SETD1B: variants seen among roughly 807,000 people sequenced by gnomAD.
SETD1B encodes the protein histone-lysine N-methyltransferase SETD1B.
In SETD1B, 7 loss-of-function variants were observed where a neutral mutation model predicts 148.0. The ratio of observed to expected loss-of-function variants is 0.05; its 90% confidence interval spans 0.03 to 0.09. The LOEUF is 0.09. SETD1B is among the 10% of genes least tolerant of loss of function. SETD1B has a pLI of 1.00. For synonymous variants in SETD1B, 1,361 were observed against 1,186.5 expected (o/e 1.15, Z -3.02); for missense variants, 2,155 against 2,729.9 (o/e 0.79, Z 4.69).
intron 4 of SETD1B, among the ~76,000 whole-genome samples, chr12:121,807,229 CCT>C (rs1174052193): frequency 6.6e-6 from 1 of 152,072 alleles, no homozygotes; most frequent in Non-Finnish European, 1.5e-5. Context: ...TTCTGTTCCT[CCT>C]CTCAGGGCAC....
intron 13 of SETD1B, 74 bp from the exon 14 acceptor site, chr12:121,827,445 G>A: frequency 6.9e-7 from 1 of 1,450,900 alleles, no homozygotes; most frequent in Non-Finnish European, 9.1e-7. Context: ...GGGGATGACA[G>A]AGATCCAGAG....
At chr12:121,827,705 G>A (rs1876906909) in intron 14 of SETD1B, 30 bp from the exon 15 acceptor site, 2 of 1,551,746 alleles carry the variant, frequency 1.3e-6, no homozygotes, top group Non-Finnish European at 1.7e-6. Context: ...TGAGACCGGG[G>A]CTCACCTCTC....
At chr12:121,815,923 G>T (rs1876274213) in intron 7 of SETD1B, among the ~76,000 whole-genome samples, 1 of 150,752 alleles carries the variant, frequency 6.6e-6, no homozygotes, top group South Asian at 2.1e-4. Flanking sequence ...CACCTCCTGG[G>T]TTCAAGCGAT....
chr12:121,812,482 C>T (rs1221407734), intron 6 of SETD1B, among the ~76,000 whole-genome samples: 2 of 151,906 alleles, frequency 1.3e-5, no homozygotes, highest in African/African-American at 4.9e-5. Flanking sequence ...CCCGGCACCG[C>T]CAGGCCTGCT....
Position 121,810,401 on chromosome 12 carries a change from G to C in SETD1B, c.1456G>C (p.Glu486Gln). 1 of 1,548,922 alleles carries C rather than the reference G, an allele frequency of 6.5e-7. No individual in the cohort carries two copies. The highest frequency in any genetic ancestry group is 8.7e-7 in the Non-Finnish European group (1 of 1,146,914). ...TGACAGCCCTGGCACGCCCACGCTG[G>C]AGTCGTCCCCTGCAGGGCCAGAGAA... The part of the protein sequence containing the change: ...PCDSPGTPTL[E>Q]SSPAGPEKPH... The change falls in exon 6 of 17, where the codon GAG becomes CAG. Residue 486 changes from glutamate (E) to glutamine (Q), a missense_variant. By Grantham distance (29) the Glu-to-Gln change is conservative. Coordinates refer to ENST00000604567, the MANE Select transcript of SETD1B (RefSeq NM_001353345.2). The surrounding 1 kb of genome is among the most constrained non-coding windows in gnomAD (Gnocchi z 7.6).
chr12:121,808,930 T>C lies in SETD1B; in HGVS notation c.657+610T>C, dbSNP rs1875876384. ...CTGTCCCCAGGCTGGAGTGCAGTGGTGCGATCTCAGCTCACTGCAAGCTCC... is the reference window on the plus strand; with the variant it reads ...CTGTCCCCAGGCTGGAGTGCAGTGGCGCGATCTCAGCTCACTGCAAGCTCC... On this transcript the variant is annotated intron_variant, in intron 5 of 16. Coordinates refer to ENST00000604567, the MANE Select transcript of SETD1B (RefSeq NM_001353345.2). This position sits in a 1 kb window ranked among gnomAD's most constrained non-coding sequence, Gnocchi z 5.3. 6.6e-6 allele frequency among the ~76,000 whole-genome samples: 1 copy of C among 152,164 alleles called. No homozygotes were observed. Among genetic ancestry groups the C allele is most frequent in the Non-Finnish European group, 1.5e-5 (1 of 68,026 alleles).
At chr12:121,807,462 GAA>G (rs1566547037) in intron 4 of SETD1B, among the ~76,000 whole-genome samples, 13 of 127,854 alleles carry the variant, frequency 1.0e-4, no homozygotes, top group Non-Finnish European at 1.5e-4. Flanking sequence ...AAAAAAAAAA[GAA>G]AAGAAAAGAA....
At position 121,814,292 on chromosome 12, in the gene SETD1B, C is replaced by T; in HGVS notation, c.2077C>T (p.Pro693Ser). The change falls in exon 7 of 17, where the codon CCA becomes TCA. Residue 693 changes from proline to serine, a missense_variant. By Grantham distance (74) the Pro-to-Ser change is moderately conservative. This residue lies in a region of SETD1B where 295 missense variants were observed against 303.8 expected (regional missense o/e 0.97). Transcript: ENST00000604567. Reference sequence around the variant, plus strand: ...ACCTGGCTTCCCCCCGCTGCCCCCCCCACCACCACCACCCCCACCGCAGCC... The same window carrying T: ...ACCTGGCTTCCCCCCGCTGCCCCCCTCACCACCACCACCCCCACCGCAGCC... The part of the protein sequence containing the change: ...PPPGFPPLPP[P>S]PPPPPPQPGF... 9.5e-7 allele frequency: 1 copy of T among 1,057,226 alleles called. No homozygotes were observed. Among genetic ancestry groups the T allele is most frequent in the Non-Finnish European group, 1.3e-6 (1 of 788,160 alleles). 65.5% of individuals were successfully genotyped at this position (1,057,226 alleles called of 1,614,324 possible). A position where few individuals can be genotyped will look rare whatever the true frequency, so the allele number is the denominator to read the frequency against.
At chr12:121,816,729 T>G (rs568571506) in intron 7 of SETD1B, among the ~76,000 whole-genome samples, 7 of 152,350 alleles carry the variant, frequency 4.6e-5, no homozygotes, top group African/African-American at 9.6e-5. Context: ...GAAGGTGGTG[T>G]TGCACAGATG....
the SETD1B span, chr12:121,797,735 C>T: frequency 1.6e-5 from 6 of 379,364 alleles, no homozygotes; most frequent in East Asian, 7.3e-5. Flanking sequence ...TAAAGGGAGG[C>T]GCCACACCCT....
At chr12:121,829,710 TGTGCCA>T (rs1877002226) in intron 16 of SETD1B, among the ~76,000 whole-genome samples, 1 of 152,234 alleles carries the variant, frequency 6.6e-6, no homozygotes, top group Non-Finnish European at 1.5e-5. Context: ...GATATGGCTA[TGTGCCA>T]GTAAAACTTT....
chr12:121,817,523 C>G lies in SETD1B; in HGVS notation c.3131C>G (p.Ser1044Cys). 6.4e-7 allele frequency: 1 copy of G among 1,551,528 alleles called. No homozygotes were observed. Among genetic ancestry groups the G allele is most frequent in the Non-Finnish European group, 8.7e-7 (1 of 1,146,966 alleles). ...EEDEKESLSA[S>C]SSSSASSSSG... ...GACGAGAAGGAGTCATTGTCGGCGT[C>G]CTCGTCCTCATCCGCGTCATCATCC... Residue 1044 changes from serine (S) to cysteine (C), a missense_variant, in exon 9 of 17, where the codon TCC becomes TGC. Ser to Cys is a moderately radical substitution (Grantham distance 112, BLOSUM62 -1). Transcript: ENST00000604567. This position sits in a 1 kb window ranked among gnomAD's most constrained non-coding sequence, Gnocchi z 8.1.
intron 11 of SETD1B, 125 bp downstream of exon 11, chr12:121,820,020 G>A (rs954161334): frequency 6.1e-5 from 49 of 809,902 alleles, no homozygotes; most frequent in African/African-American, 4.7e-4. Flanking sequence ...CGTGTAAAAC[G>A]AGATCAGCCG....
chr12:121,819,062 T>G (rs1876438923), intron 10 of SETD1B, among the ~76,000 whole-genome samples: 1 of 151,606 alleles, frequency 6.6e-6, no homozygotes. Flanking sequence ...CTGGCTAACA[T>G]GGTGAAACCC....
chr12:121,822,109 G>C (rs1189255535), intron 11 of SETD1B, among the ~76,000 whole-genome samples: 2 of 152,186 alleles, frequency 1.3e-5, no homozygotes, highest in Admixed American at 1.3e-4. Context: ...AGTGTATCCT[G>C]TGACAGTGGA....
At position 121,805,586 on chromosome 12, in the gene SETD1B, C is replaced by T. The variant is rs1370670258; in HGVS notation, c.274-249C>T. 6.6e-6 allele frequency among the ~76,000 whole-genome samples: 1 copy of T among 151,990 alleles called. No individual in the cohort carries two copies. Among genetic ancestry groups the T allele is most frequent in the African/African-American group, 2.4e-5 (1 of 41,360 alleles). On this transcript the variant is annotated intron_variant, in intron 3 of 16. Transcript: ENST00000604567. The surrounding 1 kb of genome is among the most constrained non-coding windows in gnomAD (Gnocchi z 4.2). The stretch of plus-strand genomic sequence containing the variant: ...GGGGGTGGGGAAAGAGAAACTGTTT[C>T]TTTTTCCCCTTTCCTTCCGAACCCA...
Position 121,810,052 on chromosome 12 carries a change from G to C in SETD1B, c.1107G>C (p.Lys369Asn). 1 of 1,550,266 alleles carries C rather than the reference G, an allele frequency of 6.5e-7. No individual in the cohort carries two copies. The highest frequency in any genetic ancestry group is 1.4e-5 in the African/African-American group (1 of 73,134). Residue 369 changes from lysine to asparagine, a missense_variant, in exon 6 of 17, where the codon AAG becomes AAC. By Grantham distance (94) the Lys-to-Asn change is moderately conservative. Coordinates refer to ENST00000604567, the MANE Select transcript of SETD1B (RefSeq NM_001353345.2). The surrounding 1 kb of genome is among the most constrained non-coding windows in gnomAD (Gnocchi z 7.6). Reference sequence around the variant, plus strand: ...GGGGCAGCAGCGGTCCCCCGTTCAAGGCTCAACCACAGGATTCAGCCACAT... The same window carrying C: ...GGGGCAGCAGCGGTCCCCCGTTCAACGCTCAACCACAGGATTCAGCCACAT... ...GTGGSSGPPF[K>N]AQPQDSATFA... is the part of the protein sequence containing the mutation.
chr12:121,823,352 CCCACCCCCA>C lies in SETD1B; in HGVS notation c.4776_4784del (p.Pro1596_Pro1598del). ...CACCACCCCTTCCCCCCCAGCCACC[CCCACCCCCA>C]CCTCCCCCACCTGTAGAGCCCACCA... On this transcript the variant is annotated inframe_deletion, in exon 12 of 17. Coordinates refer to ENST00000604567, the MANE Select transcript of SETD1B (RefSeq NM_001353345.2). 1 of 1,095,788 alleles carries C rather than the reference CCCACCCCCA, an allele frequency of 9.1e-7. No homozygotes were observed. The highest frequency in any genetic ancestry group is 1.3e-6 in the Non-Finnish European group (1 of 762,514). 67.9% of individuals were successfully genotyped at this position (1,095,788 alleles called of 1,614,324 possible).
intron 6 of SETD1B, 112 bp from the exon 7 acceptor site, chr12:121,813,994 C>A: frequency 1.2e-6 from 1 of 841,808 alleles, no homozygotes; most frequent in Non-Finnish European, 1.8e-6. Context: ...GAATGGCTTG[C>A]ACTGGGTCAC....
Sources: gnomAD v4.1 joint callset for allele counts (sites outside exome capture counted in the v4.1 genomes callset) on GRCh38, gnomAD v4.1.1 for gene constraint, gnomAD v4.1.1 regional missense constraint, Gnocchi (gnomAD v3.1) non-coding constraint, MANE v1.5 for transcripts, NCBI Gene and HGNC (gene_info 2026-07-23, HGNC 2026-07-21) for gene names.